Variants in SLC71A2 observed in about 807,000 individuals in gnomAD.
SLC71A2 encodes the protein hippocampus abundant transcript-like 1.
the SLC71A2 span, chr9:94,459,360 T>C: frequency 2.5e-5 from 40 of 1,614,082 alleles, no homozygotes; most frequent in Admixed American, 6.5e-4. Context: ...GACAGCAGCA[T>C]CTGGGAGCTC....
the SLC71A2 span, among the ~76,000 whole-genome samples, chr9:94,383,707 T>TATTG: frequency 6.6e-6 from 1 of 152,170 alleles, no homozygotes; most frequent in Non-Finnish European, 1.5e-5. Context: ...TTGGGATTGT[T>TATTG]ATTGGTATTC....
chr9:94,392,409 T>G, the SLC71A2 span, among the ~76,000 whole-genome samples: 3 of 152,138 alleles, frequency 2.0e-5, no homozygotes, highest in Non-Finnish European at 4.4e-5. Context: ...TTGAGGAAGA[T>G]TATAGCTGTT....
chr9:94,386,629 C>T, the SLC71A2 span, among the ~76,000 whole-genome samples: 1 of 152,098 alleles, frequency 6.6e-6, no homozygotes, highest in Admixed American at 6.5e-5. Flanking sequence ...GCCTTGATCT[C>T]CATTAGCTCT....
At chr9:94,452,140 AATTATAATCT>A in the SLC71A2 span, among the ~76,000 whole-genome samples, 1 of 152,262 alleles carries the variant, frequency 6.6e-6, no homozygotes, top group East Asian at 1.9e-4. Context: ...AATAGTAAAT[AATTATAATCT>A]ATCTCTGGAT....
At chr9:94,450,713 A>G in the SLC71A2 span, among the ~76,000 whole-genome samples, 1 of 152,018 alleles carries the variant, frequency 6.6e-6, no homozygotes, top group Non-Finnish European at 1.5e-5. Flanking sequence ...CTGGTCTCGA[A>G]CTGCTGACCT....
At chr9:94,381,919 A>G in the SLC71A2 span, among the ~76,000 whole-genome samples, 3 of 152,246 alleles carry the variant, frequency 2.0e-5, no homozygotes, top group African/African-American at 7.2e-5. Context: ...TATCCTTACC[A>G]ACACCTGGCC....
chr9:94,446,312 A>T, the SLC71A2 span, among the ~76,000 whole-genome samples: 71 of 152,374 alleles, frequency 4.7e-4, 1 homozygote, highest in East Asian at 5.8e-3. Context: ...AGGTTGTAAC[A>T]TTCAACAAGT....
the SLC71A2 span, among the ~76,000 whole-genome samples, chr9:94,433,677 A>G: frequency 2.0e-5 from 3 of 152,290 alleles, no homozygotes; most frequent in Admixed American, 6.5e-5. Flanking sequence ...TATTAGTAGC[A>G]TACAGAGTTT....
the SLC71A2 span, among the ~76,000 whole-genome samples, chr9:94,434,409 C>T: frequency 1.3e-5 from 2 of 152,244 alleles, no homozygotes; most frequent in African/African-American, 4.8e-5. Context: ...CCCCGCTGTC[C>T]GGGTTCAAGT....
the SLC71A2 span, among the ~76,000 whole-genome samples, chr9:94,455,182 GA>G: frequency 8.5e-5 from 1 of 11,708 alleles, no homozygotes; most frequent in African/African-American, 6.8e-4. Flanking sequence ...TTTTTTTTTT[GA>G]GAGAGAGAGG....
the SLC71A2 span, chr9:94,460,628 C>T: frequency 6.6e-6 from 1 of 152,150 alleles, no homozygotes; most frequent in Admixed American, 6.6e-5. Context: ...ACAGAGCACC[C>T]CTTTGAAAGT....
chr9:94,422,935 CT>C, the SLC71A2 span, among the ~76,000 whole-genome samples: 64,517 of 133,928 alleles, frequency 0.48, 14,845 homozygotes, highest in Admixed American at 0.57. Flanking sequence ...GTCTTTCTTC[CT>C]TTTTTTTTTT....
At chr9:94,406,756 A>G in the SLC71A2 span, among the ~76,000 whole-genome samples, 1 of 152,068 alleles carries the variant, frequency 6.6e-6, no homozygotes, top group Admixed American at 6.5e-5. Flanking sequence ...TTGATTTTGT[A>G]TCTTGTAACT....
the SLC71A2 span, among the ~76,000 whole-genome samples, chr9:94,401,338 A>T: frequency 2.4e-4 from 37 of 151,920 alleles, no homozygotes; most frequent in Non-Finnish European, 4.0e-4. Context: ...CAACCAGCAA[A>T]TTTTTTTGTA....
chr9:94,432,440 C>T, the SLC71A2 span, among the ~76,000 whole-genome samples: 1 of 151,936 alleles, frequency 6.6e-6, no homozygotes, highest in Non-Finnish European at 1.5e-5. Context: ...ACGGAGGTTG[C>T]AGTGAGCCGA....
the SLC71A2 span, among the ~76,000 whole-genome samples, chr9:94,437,245 A>G: frequency 1.7e-4 from 24 of 141,312 alleles, no homozygotes; most frequent in African/African-American, 6.2e-4. Flanking sequence ...TTTAAGATGT[A>G]TCATGAAAAT....
chr9:94,385,447 G>A, the SLC71A2 span, among the ~76,000 whole-genome samples: 2 of 152,094 alleles, frequency 1.3e-5, no homozygotes, highest in African/African-American at 2.4e-5. Flanking sequence ...AGTGTTTTTA[G>A]CGTCATATAT....
At chr9:94,453,826 T>A in the SLC71A2 span, 1 of 656,864 alleles carries the variant, frequency 1.5e-6, no homozygotes, top group Non-Finnish European at 2.7e-6. Flanking sequence ...CTGTCCAGAC[T>A]CTGAGGTTGC....
the SLC71A2 span, among the ~76,000 whole-genome samples, chr9:94,391,931 T>C: frequency 4.6e-5 from 7 of 152,260 alleles, no homozygotes; most frequent in Middle Eastern, 3.4e-3. Flanking sequence ...TTGCCCAGGC[T>C]GGTCTTGAAC....
Sources: gnomAD v4.1 joint callset for allele counts (sites outside exome capture counted in the v4.1 genomes callset) on GRCh38, gnomAD v4.1.1 for gene constraint, MANE v1.5 for transcripts, NCBI Gene and HGNC (gene_info 2026-07-23, HGNC 2026-07-21) for gene names.